The following PLXNA4 variants were observed in gnomAD, a reference collection of about 807,000 sequenced individuals.
The protein encoded by PLXNA4 is plexin A4.
PLXNA4 carries 44 observed loss-of-function variants against 191.8 expected under a neutral mutation model. The observed-to-expected ratio is 0.23, with a 90% CI of 0.18 to 0.29. The LOEUF (loss-of-function observed/expected upper bound fraction) is 0.29. PLXNA4 is among the 10% of genes least tolerant of loss of function. PLXNA4 has a pLI of 1.00. For missense variants in PLXNA4, 1,800 were observed against 2,488.8 expected, an observed-to-expected ratio of 0.72 and a Z score of 5.89; for synonymous variants, 1,082 against 1,009.5, an observed-to-expected ratio of 1.07 and a Z score of -1.36.
intron 3 of PLXNA4, among the ~76,000 whole-genome samples, chr7:132,460,821 C>T (rs1464049952): frequency 6.6e-6 from 1 of 152,032 alleles, no homozygotes; most frequent in African/African-American, 2.4e-5. Context: ...AGATCCTAAA[C>T]GTTTCAGAAT....
chr7:132,421,941 A>C (rs1794865326), intron 3 of PLXNA4, among the ~76,000 whole-genome samples: 1 of 152,032 alleles, frequency 6.6e-6, no homozygotes, highest in Non-Finnish European at 1.5e-5. Context: ...TGTATTCTTC[A>C]CCCTCCTTGG....
chr7:132,563,731 TTCCTCC>T (rs1801517409), intron 1 of PLXNA4, among the ~76,000 whole-genome samples: 1 of 51,764 alleles, frequency 1.9e-5, no homozygotes, highest in African/African-American at 7.8e-5. Flanking sequence ...CCTCTTCCTC[TTCCTCC>T]TCCTCTCCCT....
chr7:132,354,624 T>G (rs190163437), intron 3 of PLXNA4, among the ~76,000 whole-genome samples: 2 of 152,210 alleles, frequency 1.3e-5, no homozygotes, highest in East Asian at 3.9e-4. Context: ...GTGTGTGTCC[T>G]AATGTACCCC....
rs1031112004 is a variant in PLXNA4, at chr7:132,384,534, A to G, written c.1372-86312T>C. 7.1e-6 allele frequency: 7 copies of G among 986,802 alleles called. No individual in the cohort carries two copies. The Admixed American group carries it at 3.0e-4, about 43-fold the overall frequency. 61.1% of individuals were successfully genotyped at this position (986,802 alleles called of 1,614,324 possible). A position where few individuals can be genotyped will look rare whatever the true frequency, so the allele number is the denominator to read the frequency against. ...AAGGAAAGGAGACTGGACAACACCA[A>G]TTAACTTTTTTTGGGTGCTCTCCTG... On this transcript the variant is annotated intron_variant, in intron 3 of 31. Transcript: ENST00000321063.
At chr7:132,218,884 A>G (rs1798053192) in intron 9 of PLXNA4, among the ~76,000 whole-genome samples, 1 of 152,342 alleles carries the variant, frequency 6.6e-6, no homozygotes, top group South Asian at 2.1e-4. Flanking sequence ...TTATGGTAGA[A>G]TACTTGCCAT....
intron 14 of PLXNA4, among the ~76,000 whole-genome samples, chr7:132,188,998 GA>G (rs5887555): frequency 0.1 from 5,148 of 49,442 alleles, 543 homozygotes; most frequent in African/African-American, 0.25. Flanking sequence ...GGAAAGGAGA[GA>G]GAGAGAGAGA....
intron 3 of PLXNA4, among the ~76,000 whole-genome samples, chr7:132,448,127 G>A (rs1050735746): frequency 2.6e-5 from 4 of 152,208 alleles, no homozygotes; most frequent in Admixed American, 6.5e-5. Flanking sequence ...ACAGAGCTAC[G>A]TTTTCCTCCC....
intron 9 of PLXNA4, among the ~76,000 whole-genome samples, chr7:132,219,784 T>C (rs1240197618): frequency 6.6e-6 from 1 of 152,196 alleles, no homozygotes; most frequent in African/African-American, 2.4e-5. Flanking sequence ...GATTATAATA[T>C]TGTGTTTTTA....
intron 3 of PLXNA4, among the ~76,000 whole-genome samples, chr7:132,330,877 TAATA>T (rs1325827805): frequency 6.6e-6 from 1 of 151,080 alleles, no homozygotes. Flanking sequence ...CTTACAAACA[TAATA>T]AATATGTTTT....
In PLXNA4 at chr7:132,130,357, A is replaced by C; in HGVS notation, c.*122T>G. 7.4e-7 allele frequency: 1 copy of C among 1,355,360 alleles called. No homozygotes were observed. The highest frequency in any genetic ancestry group is 1.3e-5 in the South Asian group (1 of 77,954). The allele number at this position is 1,355,360 out of a possible 1,614,324, so 84.0% of individuals were successfully genotyped here. On this transcript the variant is annotated 3_prime_UTR_variant, in exon 32 of 32. Coordinates refer to ENST00000321063, the MANE Select transcript of PLXNA4 (RefSeq NM_020911.2). ...AAAGAGGCAGAGAGAAAGAGAGAGA[A>C]ACAGCGCTGCTCAGGGGATGCTGCT...
intron 3 of PLXNA4, among the ~76,000 whole-genome samples, chr7:132,382,512 A>G (rs1804938868): frequency 6.6e-6 from 1 of 152,166 alleles, no homozygotes. Context: ...AGGGACCTCA[A>G]ACCTCCACCA....
At chr7:132,328,376 T>C (rs1371791873) in intron 3 of PLXNA4, among the ~76,000 whole-genome samples, 6 of 152,106 alleles carry the variant, frequency 3.9e-5, no homozygotes, top group Non-Finnish European at 8.8e-5. Context: ...TCCCACCATG[T>C]CTCTGCTGTG....
At chr7:132,482,053 G>A (rs566136136) in intron 3 of PLXNA4, among the ~76,000 whole-genome samples, 1 of 152,280 alleles carries the variant, frequency 6.6e-6, no homozygotes, top group Non-Finnish European at 1.5e-5. Flanking sequence ...CTTGAAGTTT[G>A]AAAGTATGGG....
At chr7:132,453,296 C>T (rs773979020) in intron 3 of PLXNA4, among the ~76,000 whole-genome samples, 1 of 151,984 alleles carries the variant, frequency 6.6e-6, no homozygotes, top group Non-Finnish European at 1.5e-5. Context: ...TGACACAGAC[C>T]CCACACAGGG....
rs1374794699 is a variant in PLXNA4 at position 132,129,057 on chromosome 7, G to A, written c.*1422C>T. ...TGGCTAAAATCGTGCATCTGTAGAT[G>A]TAAGAACAGATGGGGAGATGGATGC... On this transcript the variant is annotated 3_prime_UTR_variant, in exon 32 of 32. Coordinates refer to ENST00000321063, the MANE Select transcript of PLXNA4 (RefSeq NM_020911.2). The A allele has an allele frequency of 6.6e-6, 1 of 152,268 alleles. No homozygotes were observed. Among genetic ancestry groups the A allele is most frequent in the Non-Finnish European group, 1.5e-5 (1 of 68,070 alleles). 9.4% of individuals were successfully genotyped at this position (152,268 alleles called of 1,614,324 possible).
chr7:132,436,368 C>T (rs906672089), intron 3 of PLXNA4, among the ~76,000 whole-genome samples: 4 of 152,180 alleles, frequency 2.6e-5, no homozygotes, highest in Admixed American at 6.5e-5. Flanking sequence ...GCCATGGCAA[C>T]GAACACCATG....
intron 25 of PLXNA4, among the ~76,000 whole-genome samples, chr7:132,150,647 T>C (rs1198709377): frequency 6.6e-6 from 1 of 152,220 alleles, no homozygotes; most frequent in Non-Finnish European, 1.5e-5. Context: ...GAAGTGACCA[T>C]GGGGCTTGCT....
At chr7:132,219,090 T>C (rs1056606496) in intron 9 of PLXNA4, among the ~76,000 whole-genome samples, 1 of 152,356 alleles carries the variant, frequency 6.6e-6, no homozygotes, top group East Asian at 1.9e-4. Flanking sequence ...AAAAGCCACC[T>C]GTCAGCCTCA....
chr7:132,136,926 C>T (rs747654247), intron 30 of PLXNA4, among the ~76,000 whole-genome samples: 3 of 152,132 alleles, frequency 2.0e-5, no homozygotes, highest in Admixed American at 1.3e-4. Context: ...CCCAGCAGAA[C>T]GAGGCCCCAC....
Sources: gnomAD v4.1 joint callset for allele counts (sites outside exome capture counted in the v4.1 genomes callset) on GRCh38, gnomAD v4.1.1 for gene constraint, MANE v1.5 for transcripts, NCBI Gene and HGNC (gene_info 2026-07-23, HGNC 2026-07-21) for gene names.